RPS6KC1: variants seen among roughly 807,000 people sequenced by gnomAD.
RPS6KC1 encodes inactive ribosomal protein S6 kinase delta-1.
RPS6KC1 carries 54 observed loss-of-function variants against 103.8 expected under a neutral mutation model. That is an observed-to-expected ratio of 0.52 (90% confidence interval 0.42 to 0.65). The LOEUF (loss-of-function observed/expected upper bound fraction) is 0.65, where lower values mean the gene tolerates loss of function less well. RPS6KC1 is among the 30% of genes least tolerant of loss of function. The pLI, the probability that RPS6KC1 is intolerant of heterozygous loss-of-function variation, is 0.00. For missense variants in RPS6KC1, 1,151 were observed against 1,253.8 expected, an observed-to-expected ratio of 0.92 and a Z score of 1.24; for synonymous variants, 439 against 438.7, an observed-to-expected ratio of 1.00 and a Z score of -0.01.
chr1:213,203,060 A>G (rs1454663650), intron 8 of RPS6KC1, among the ~76,000 whole-genome samples: 1 of 152,090 alleles, frequency 6.6e-6, no homozygotes, highest in Non-Finnish European at 1.5e-5. Context: ...ATATATGCAC[A>G]TTTTAAACTC....
chr1:213,521,669 CTTG>C, the RPS6KC1 span, among the ~76,000 whole-genome samples: 4 of 152,200 alleles, frequency 2.6e-5, no homozygotes, highest in Non-Finnish European at 4.4e-5. Context: ...ATTTTAAATT[CTTG>C]TTGTTATTTC....
At chr1:213,662,055 G>T in the RPS6KC1 span, among the ~76,000 whole-genome samples, 1 of 152,058 alleles carries the variant, frequency 6.6e-6, no homozygotes, top group East Asian at 1.9e-4. Context: ...TATAAATAAG[G>T]TATGTTGGAG....
the RPS6KC1 span, among the ~76,000 whole-genome samples, chr1:213,722,960 C>A: frequency 6.6e-6 from 1 of 152,154 alleles, no homozygotes; most frequent in African/African-American, 2.4e-5. Context: ...TGGTGGATCA[C>A]CTGAGGTCAG....
At chr1:213,816,722 T>C in the RPS6KC1 span, among the ~76,000 whole-genome samples, 1 of 152,216 alleles carries the variant, frequency 6.6e-6, no homozygotes, top group Non-Finnish European at 1.5e-5. Flanking sequence ...CCCAGTGCTC[T>C]GAACAAAAAT....
the RPS6KC1 span, among the ~76,000 whole-genome samples, chr1:213,427,885 G>C: frequency 6.6e-6 from 1 of 152,206 alleles, no homozygotes; most frequent in African/African-American, 2.4e-5. Flanking sequence ...ACTCTTCCCT[G>C]AAAGTCTAGG....
the RPS6KC1 span, among the ~76,000 whole-genome samples, chr1:213,584,732 T>A: frequency 6.6e-6 from 1 of 152,248 alleles, no homozygotes; most frequent in South Asian, 2.1e-4. Context: ...GGACACCAAC[T>A]GCATGCTTTG....
the RPS6KC1 span, among the ~76,000 whole-genome samples, chr1:213,379,409 G>A: frequency 3.9e-5 from 6 of 152,196 alleles, no homozygotes; most frequent in African/African-American, 1.2e-4. Flanking sequence ...GAAGATGAAA[G>A]CAGAGATTGA....
chr1:213,727,717 GA>G, the RPS6KC1 span, among the ~76,000 whole-genome samples: 1 of 151,182 alleles, frequency 6.6e-6, no homozygotes, highest in Non-Finnish European at 1.5e-5. Flanking sequence ...AAAGATATAT[GA>G]AAAAAAAATT....
chr1:213,147,048 A>AT (rs975066252), intron 6 of RPS6KC1, among the ~76,000 whole-genome samples: 9 of 151,746 alleles, frequency 5.9e-5, no homozygotes, highest in African/African-American at 2.4e-5. Flanking sequence ...GGATTATTAG[A>AT]TTTTTTCCCT....
the RPS6KC1 span, among the ~76,000 whole-genome samples, chr1:213,776,298 C>A: frequency 6.6e-6 from 1 of 152,200 alleles, no homozygotes; most frequent in East Asian, 1.9e-4. Context: ...GCAGCTATAC[C>A]CTCATAAAAA....
the RPS6KC1 span, among the ~76,000 whole-genome samples, chr1:213,476,044 G>T: frequency 9.4e-6 from 1 of 106,946 alleles, no homozygotes; most frequent in South Asian, 2.6e-4. Context: ...ACAGTGGCTG[G>T]TGTGACTGGT....
the RPS6KC1 span, among the ~76,000 whole-genome samples, chr1:213,437,902 A>G: frequency 6.6e-6 from 1 of 151,988 alleles, no homozygotes; most frequent in South Asian, 2.1e-4. Context: ...TACAAGTTTT[A>G]GTAATATATT....
chr1:213,751,367 G>A, the RPS6KC1 span, among the ~76,000 whole-genome samples: 1 of 152,154 alleles, frequency 6.6e-6, no homozygotes, highest in East Asian at 1.9e-4. Flanking sequence ...GGGAAGCTGG[G>A]AAGCTGGAAA....
At chr1:213,635,978 A>G in the RPS6KC1 span, among the ~76,000 whole-genome samples, 1 of 152,202 alleles carries the variant, frequency 6.6e-6, no homozygotes, top group Non-Finnish European at 1.5e-5. Flanking sequence ...CCAATAACAG[A>G]CAAACAAAGA....
At chr1:213,446,664 G>C in the RPS6KC1 span, among the ~76,000 whole-genome samples, 1 of 152,132 alleles carries the variant, frequency 6.6e-6, no homozygotes, top group African/African-American at 2.4e-5. Context: ...TCGCCAAGTT[G>C]ACACCTAAGC....
intron 6 of RPS6KC1, among the ~76,000 whole-genome samples, chr1:213,167,489 C>CACACACACAA (rs141541042): frequency 0.026 from 3,310 of 126,086 alleles, 105 homozygotes; most frequent in African/African-American, 0.033. Flanking sequence ...CACACACACA[C>CACACACACAA]AACAGCTGTT....
At chr1:213,626,122 C>G in the RPS6KC1 span, among the ~76,000 whole-genome samples, 1 of 152,228 alleles carries the variant, frequency 6.6e-6, no homozygotes, top group Non-Finnish European at 1.5e-5. Flanking sequence ...GATCGCCATT[C>G]TAACTGGTGT....
At chr1:213,628,832 C>T in the RPS6KC1 span, among the ~76,000 whole-genome samples, 15 of 152,270 alleles carry the variant, frequency 9.9e-5, no homozygotes, top group African/African-American at 2.4e-5. Context: ...GCCTTCATTT[C>T]GTTATGTACC....
intron 7 of RPS6KC1, among the ~76,000 whole-genome samples, chr1:213,169,050 G>A (rs2091251344): frequency 6.6e-6 from 1 of 150,838 alleles, no homozygotes; most frequent in Non-Finnish European, 1.5e-5. Context: ...GTAGTTACTA[G>A]GATTAAATGA....
Sources: allele counts gnomAD v4.1 joint callset (sites outside exome capture counted in the v4.1 genomes callset), GRCh38; gene constraint gnomAD v4.1.1; transcripts MANE v1.5; gene names NCBI Gene and HGNC (gene_info 2026-07-23, HGNC 2026-07-21).